The following CSMD1 variants were observed in gnomAD, a reference collection of about 807,000 sequenced individuals.
CSMD1 encodes CUB and sushi domain-containing protein 1.
In CSMD1, 213 loss-of-function variants were observed where a neutral mutation model predicts 417.5. The ratio of observed to expected loss-of-function variants is 0.51; its 90% CI spans 0.46 to 0.57. The LOEUF is 0.57. Ranked by LOEUF, CSMD1 falls within the 20% of genes least tolerant of loss-of-function variation. The pLI is 0.00. For synonymous variants in CSMD1, 2,862 were observed against 1,736.8 expected (o/e 1.65, Z -16.11); for missense variants, 6,923 against 4,529.7 (o/e 1.53, Z -15.17).
At chr8:3,462,999 G>C (rs1816604290) in intron 12 of CSMD1, among the ~76,000 whole-genome samples, 1 of 152,316 alleles carries the variant, frequency 6.6e-6, no homozygotes, top group Non-Finnish European at 1.5e-5. Context: ...CACCACGTGA[G>C]GACACAGTGA....
chr8:4,223,744 T>A (rs1585051171), intron 3 of CSMD1, among the ~76,000 whole-genome samples: 1 of 152,336 alleles, frequency 6.6e-6, no homozygotes, highest in African/African-American at 2.4e-5. Context: ...GGTCAGATTC[T>A]CAGAATATTT....
intron 26 of CSMD1, among the ~76,000 whole-genome samples, chr8:3,261,953 G>A (rs373558382): frequency 1.3e-5 from 2 of 151,852 alleles, no homozygotes; most frequent in African/African-American, 2.4e-5. Flanking sequence ...CAACGCGTGG[G>A]CTGTGATAGT....
chr8:3,526,220 T>G (rs1797747803), intron 10 of CSMD1, among the ~76,000 whole-genome samples: 1 of 152,184 alleles, frequency 6.6e-6, no homozygotes, highest in Admixed American at 6.5e-5. Context: ...TACATCGTTT[T>G]TCCTTCCTGA....
chr8:4,254,945 C>A (rs1273452605), intron 3 of CSMD1, among the ~76,000 whole-genome samples: 1 of 152,220 alleles, frequency 6.6e-6, no homozygotes, highest in Non-Finnish European at 1.5e-5. Context: ...CAACACATGA[C>A]TGGAGTGGAC....
intron 3 of CSMD1, among the ~76,000 whole-genome samples, chr8:4,223,172 C>T (rs556067907): frequency 2.3e-3 from 354 of 152,094 alleles, no homozygotes; most frequent in Non-Finnish European, 3.9e-3. Flanking sequence ...GAGGAGCCTC[C>T]GGGAGTTAAT....
intron 5 of CSMD1, among the ~76,000 whole-genome samples, chr8:3,897,808 A>C (rs892441603): frequency 2.0e-5 from 3 of 152,144 alleles, no homozygotes; most frequent in African/African-American, 7.2e-5. Flanking sequence ...TTGCTTCGTA[A>C]GTTCATCTCC....
rs188915605 is a variant in CSMD1, at chr8:4,057,780, A to T, written c.416-25681T>A. On this transcript the variant is annotated intron_variant, in intron 3 of 69. Transcript: ENST00000635120. ...TAGCCAGTTTTCCCAGCACCATTTAATAAATAGGGACTCCTTTCCCCATTG... is the reference window on the plus strand; with the variant it reads ...TAGCCAGTTTTCCCAGCACCATTTATTAAATAGGGACTCCTTTCCCCATTG... Among the ~76,000 whole-genome samples, 1,514 of 152,128 alleles carry T rather than the reference A, an allele frequency of 1.0e-2. 26 individuals carry two copies. Among genetic ancestry groups the T allele is most frequent in the African/African-American group, 0.034 (1,410 of 41,480 alleles).
intron 26 of CSMD1, among the ~76,000 whole-genome samples, chr8:3,275,293 G>T (rs13268557): frequency 0.28 from 41,807 of 151,972 alleles, 5,972 homozygotes; most frequent in African/African-American, 0.34. Context: ...TCTGTCAAGA[G>T]ATCTGCTGTT....
chr8:3,399,030 C>G (rs1334555826), intron 16 of CSMD1, among the ~76,000 whole-genome samples: 1 of 152,138 alleles, frequency 6.6e-6, no homozygotes, highest in Non-Finnish European at 1.5e-5. Context: ...TCCTCTACCA[C>G]AGAAGACACC....
At chr8:3,488,980 C>G (rs1050443023) in intron 11 of CSMD1, among the ~76,000 whole-genome samples, 2 of 152,076 alleles carry the variant, frequency 1.3e-5, no homozygotes, top group African/African-American at 4.8e-5. Context: ...TTACCAACAT[C>G]AATTGTTTAT....
chr8:3,645,275 G>C (rs1001394525), intron 7 of CSMD1, among the ~76,000 whole-genome samples: 2 of 152,160 alleles, frequency 1.3e-5, no homozygotes, highest in Admixed American at 6.5e-5. Context: ...CTTGTCTCAG[G>C]AAGCCATAAC....
chr8:3,266,182 A>G lies in CSMD1; in HGVS notation c.4153+17962T>C, dbSNP rs1801415992. Among the ~76,000 whole-genome samples, 3 of 151,014 alleles carry G rather than the reference A, an allele frequency of 2.0e-5. No individual in the cohort carries two copies. The South Asian group carries it at 6.3e-4, about 32-fold the overall frequency. ...TCCAGGACACCTGCCTCTCAAGGGC[A>G]AGCAGAAGACAAGAGGCAAAATAGT... On this transcript the variant is annotated intron_variant, in intron 26 of 69. Transcript: ENST00000635120.
chr8:3,191,213 G>T (rs1796402690), intron 33 of CSMD1, among the ~76,000 whole-genome samples: 1 of 152,208 alleles, frequency 6.6e-6, no homozygotes, highest in South Asian at 2.1e-4. Flanking sequence ...CCAGCACTTT[G>T]GGAGGCAGAG....
chr8:3,958,426 C>A (rs1812116614), intron 5 of CSMD1, among the ~76,000 whole-genome samples: 1 of 151,620 alleles, frequency 6.6e-6, no homozygotes, highest in Non-Finnish European at 1.5e-5. Context: ...TTCATGGAAG[C>A]ATGTGCACGT....
chr8:4,418,918 G>A (rs567842995), intron 3 of CSMD1, among the ~76,000 whole-genome samples: 5 of 152,102 alleles, frequency 3.3e-5, no homozygotes, highest in Non-Finnish European at 5.9e-5. Context: ...TATTCCACAC[G>A]TAACTTTAAG....
chr8:3,202,519 T>C (rs1221650111), intron 31 of CSMD1, among the ~76,000 whole-genome samples: 6 of 152,220 alleles, frequency 3.9e-5, no homozygotes, highest in African/African-American at 7.2e-5. Flanking sequence ...TGTATTCAGA[T>C]TGACGATACA....
chr8:3,771,886 G>C (rs150742096), intron 5 of CSMD1, among the ~76,000 whole-genome samples: 10 of 151,882 alleles, frequency 6.6e-5, no homozygotes, highest in African/African-American at 1.5e-4. Flanking sequence ...CCACAGTCCT[G>C]ATCTGACCCA....
At chr8:3,671,975 G>A (rs1489702268) in intron 7 of CSMD1, among the ~76,000 whole-genome samples, 1 of 152,102 alleles carries the variant, frequency 6.6e-6, no homozygotes, top group African/African-American at 2.4e-5. Context: ...GTTTCGATAT[G>A]TTGCAATACT....
At chr8:4,845,486 A>G (rs11782755) in intron 1 of CSMD1, among the ~76,000 whole-genome samples, 6,917 of 152,292 alleles carry the variant, frequency 0.045, 177 homozygotes, top group Middle Eastern at 0.054. Flanking sequence ...CTGAACGACA[A>G]TTCACCAATT....
Sources: gnomAD v4.1 joint callset for allele counts (sites outside exome capture counted in the v4.1 genomes callset) on GRCh38, gnomAD v4.1.1 for gene constraint, MANE v1.5 for transcripts, NCBI Gene and HGNC (gene_info 2026-07-23, HGNC 2026-07-21) for gene names.